The following RBFOX1 variants were observed in gnomAD, a reference collection of about 807,000 sequenced individuals.
RBFOX1 encodes the protein RNA binding protein fox-1 homolog 1.
Under a neutral mutation model 57.7 loss-of-function variants are expected in RBFOX1, and 8 were observed. The observed-to-expected ratio is 0.14, with a 90% confidence interval of 0.08 to 0.25. RBFOX1 has a LOEUF of 0.25. RBFOX1 is among the 10% of genes least tolerant of loss of function. The pLI, the probability that RBFOX1 is intolerant of heterozygous loss-of-function variation, is 1.00. For missense variants in RBFOX1, 611 were observed against 548.5 expected, an observed-to-expected ratio of 1.11 and a Z score of -1.14; for synonymous variants, 326 against 222.4, an observed-to-expected ratio of 1.47 and a Z score of -4.15.
intron 4 of RBFOX1, among the ~76,000 whole-genome samples, chr16:7,487,630 C>A (rs529379940): frequency 6.6e-6 from 1 of 152,160 alleles, no homozygotes; most frequent in Non-Finnish European, 1.5e-5. Flanking sequence ...TGCACCTGTT[C>A]ATATACATAT....
chr16:5,471,954 G>A (rs897104266), intron 2 of RBFOX1, among the ~76,000 whole-genome samples: 2 of 152,118 alleles, frequency 1.3e-5, no homozygotes, highest in Non-Finnish European at 2.9e-5. Flanking sequence ...GCTGGAGTGT[G>A]GGTCCTTGTG....
At chr16:7,143,893 C>T (rs2074361005) in intron 4 of RBFOX1, among the ~76,000 whole-genome samples, 1 of 152,082 alleles carries the variant, frequency 6.6e-6, no homozygotes, top group African/African-American at 2.4e-5. Flanking sequence ...CTATATAGTC[C>T]CTAGGAGCTA....
At chr16:7,029,978 AC>A (rs1597460546) in intron 3 of RBFOX1, among the ~76,000 whole-genome samples, 1 of 152,214 alleles carries the variant, frequency 6.6e-6, no homozygotes, top group South Asian at 2.1e-4. Flanking sequence ...AAGACAGTCA[AC>A]AAGGACACAC....
At chr16:6,880,154 C>G (rs1291088001) in intron 3 of RBFOX1, among the ~76,000 whole-genome samples, 4 of 152,140 alleles carry the variant, frequency 2.6e-5, no homozygotes, top group Non-Finnish European at 4.4e-5. Flanking sequence ...GCACAGTTCT[C>G]TAATCATGGG....
intron 3 of RBFOX1, among the ~76,000 whole-genome samples, chr16:6,767,732 G>A (rs575989603): frequency 6.6e-6 from 1 of 151,666 alleles, no homozygotes; most frequent in Non-Finnish European, 1.5e-5. Context: ...TGGCCAATAT[G>A]GTGAAACCCC....
At chr16:6,339,625 A>C (rs143696887) in intron 2 of RBFOX1, among the ~76,000 whole-genome samples, 32 of 151,936 alleles carry the variant, frequency 2.1e-4, no homozygotes, top group African/African-American at 7.0e-4. Flanking sequence ...TGGATTTGAT[A>C]AACATCTTAA....
intron 4 of RBFOX1, among the ~76,000 whole-genome samples, chr16:7,122,904 A>G (rs941126642): frequency 6.6e-6 from 1 of 152,178 alleles, no homozygotes; most frequent in Non-Finnish European, 1.5e-5. Context: ...GACAACTTGG[A>G]TCTATTTCAA....
chr16:5,631,519 T>G (rs1206552106), intron 3 of RBFOX1, among the ~76,000 whole-genome samples: 1 of 151,172 alleles, frequency 6.6e-6, no homozygotes, highest in Non-Finnish European at 1.5e-5. Context: ...ATCGCACCAC[T>G]GCACTCCAGC....
intron 1 of RBFOX1, among the ~76,000 whole-genome samples, chr16:5,464,533 C>A (rs1251229819): frequency 2.6e-5 from 4 of 152,158 alleles, no homozygotes; most frequent in Non-Finnish European, 5.9e-5. Context: ...GACAGGGGAC[C>A]AAGGGTCCTT....
chr16:6,285,932 C>A (rs969773166), intron 1 of RBFOX1, among the ~76,000 whole-genome samples: 5 of 152,156 alleles, frequency 3.3e-5, no homozygotes, highest in Non-Finnish European at 7.4e-5. Context: ...ATTGAGGCTT[C>A]TTGTGTAAAA....
chr16:5,668,468 G>T (rs555611288), intron 3 of RBFOX1, among the ~76,000 whole-genome samples: 1 of 152,132 alleles, frequency 6.6e-6, no homozygotes, highest in Non-Finnish European at 1.5e-5. Context: ...AATCATCAGA[G>T]GTGGTTCTGA....
At chr16:6,519,878 G>C (rs577013406) in intron 2 of RBFOX1, among the ~76,000 whole-genome samples, 41 of 152,164 alleles carry the variant, frequency 2.7e-4, no homozygotes, top group Non-Finnish European at 5.3e-4. Context: ...CAGAACTAAG[G>C]CAACTGATAT....
chr16:5,430,271 G>C (rs2067690199), intron 1 of RBFOX1, among the ~76,000 whole-genome samples: 1 of 152,160 alleles, frequency 6.6e-6, no homozygotes, highest in African/African-American at 2.4e-5. Context: ...GGCCTGACCT[G>C]GGGGTCAGGG....
At chr16:6,593,213 G>C (rs780024648) in intron 2 of RBFOX1, among the ~76,000 whole-genome samples, 38 of 152,018 alleles carry the variant, frequency 2.5e-4, no homozygotes, top group Non-Finnish European at 5.0e-4. Flanking sequence ...ATAAAAAAGA[G>C]AGTGGAGATC....
intron 4 of RBFOX1, among the ~76,000 whole-genome samples, chr16:7,205,789 T>C (rs757501667): frequency 2.0e-5 from 3 of 152,246 alleles, no homozygotes; most frequent in Non-Finnish European, 4.4e-5. Context: ...CTGCAGTGAT[T>C]ATCTGTATGA....
intron 3 of RBFOX1, among the ~76,000 whole-genome samples, chr16:5,851,872 C>T (rs915536822): frequency 6.6e-5 from 10 of 152,116 alleles, no homozygotes; most frequent in African/African-American, 1.9e-4. Flanking sequence ...ATGTCTTGGC[C>T]AGGTGTAGAG....
chr16:5,376,607 G>C (rs1045216177), intron 1 of RBFOX1, among the ~76,000 whole-genome samples: 4 of 152,168 alleles, frequency 2.6e-5, no homozygotes, highest in African/African-American at 9.7e-5. Context: ...ATTTTCAGCA[G>C]GATGAGGAGC....
chr16:6,647,052 G>T (rs867827721), intron 2 of RBFOX1, among the ~76,000 whole-genome samples: 2 of 152,120 alleles, frequency 1.3e-5, no homozygotes, highest in Non-Finnish European at 2.9e-5. Flanking sequence ...CATAGTTCTT[G>T]TGTCTGGATA....
At chr16:6,260,604 A>C (rs1384585665) in intron 1 of RBFOX1, among the ~76,000 whole-genome samples, 16 of 152,192 alleles carry the variant, frequency 1.1e-4, no homozygotes, top group Non-Finnish European at 1.5e-5. Context: ...CAGGCCAGGC[A>C]TGGTGGCTCA....
Sources: gnomAD v4.1 joint callset for allele counts (sites outside exome capture counted in the v4.1 genomes callset) on GRCh38, gnomAD v4.1.1 for gene constraint, MANE v1.5 for transcripts, NCBI Gene and HGNC (gene_info 2026-07-23, HGNC 2026-07-21) for gene names.